The following PCDH15 variants were observed in gnomAD, a reference collection of about 807,000 sequenced individuals.
PCDH15 encodes the protein protocadherin related 15, also known as protocadherin-15.
A neutral mutation model predicts 178.5 loss-of-function variants in PCDH15; 129 were observed. That is an observed-to-expected ratio of 0.72 (90% CI 0.63 to 0.84). The LOEUF is 0.84. Ranked by LOEUF, PCDH15 falls within the 40% of genes least tolerant of loss-of-function variation. PCDH15 has a pLI of 0.00. For missense variants in PCDH15, 2,230 were observed against 2,099.9 expected (o/e 1.06, Z -1.21); for synonymous variants, 800 against 732.0 (o/e 1.09, Z -1.50).
intron 8 of PCDH15, among the ~76,000 whole-genome samples, chr10:54,294,909 G>C (rs1189956607): frequency 6.6e-6 from 1 of 152,168 alleles, no homozygotes; most frequent in African/African-American, 2.4e-5. Context: ...TCTGAGACAT[G>C]CTTCAAGTAA....
At chr10:53,909,292 G>C (rs1337512871) in intron 25 of PCDH15, among the ~76,000 whole-genome samples, 1 of 152,038 alleles carries the variant, frequency 6.6e-6, no homozygotes, top group East Asian at 1.9e-4. Flanking sequence ...CAGCCATGTG[G>C]AACTGTGAGT....
chr10:54,079,373 G>C lies in PCDH15; in HGVS notation c.2049C>G (p.Arg683=). The change falls in exon 17 of 38, where the codon CGC becomes CGG. Residue 683 remains arginine (R), a synonymous_variant. Transcript: ENST00000644397. ...CTGAAGCTGTGATGATCAGAATGTA[G>C]CGATCAGTGCTTTCCCTGTCCAGTG... ...GKALDRESTD[R]YILIITASDG... The C allele has an allele frequency of 6.2e-7, 1 of 1,614,090 alleles. No homozygotes were observed. The highest frequency in any genetic ancestry group is 1.6e-4 in the Middle Eastern group (1 of 6,062).
chr10:54,490,561 C>T (rs899440314), intron 3 of PCDH15, among the ~76,000 whole-genome samples: 7 of 151,796 alleles, frequency 4.6e-5, no homozygotes, highest in African/African-American at 1.7e-4. Context: ...GATATGTCCT[C>T]AAGTTTATGT....
At chr10:54,731,274 G>A (rs910577865) in intron 1 of PCDH15, among the ~76,000 whole-genome samples, 1 of 150,876 alleles carries the variant, frequency 6.6e-6, no homozygotes, top group African/African-American at 2.4e-5. Flanking sequence ...ACAGATGCTG[G>A]CAAAGACGTG....
intron 2 of PCDH15, among the ~76,000 whole-genome samples, chr10:54,558,039 A>G (rs2087541553): frequency 6.6e-6 from 1 of 152,114 alleles, no homozygotes; most frequent in African/African-American, 2.4e-5. Context: ...AAACAAACAA[A>G]CAAACAAACA....
At chr10:54,663,713 G>A (rs538690699) in intron 2 of PCDH15, among the ~76,000 whole-genome samples, 1 of 150,540 alleles carries the variant, frequency 6.6e-6, no homozygotes, top group African/African-American at 2.4e-5. Context: ...AATAGTGGGG[G>A]ATAAAATAAC....
At chr10:55,111,498 T>C (rs1837499563) in intron 2 of PCDH15, among the ~76,000 whole-genome samples, 1 of 152,132 alleles carries the variant, frequency 6.6e-6, no homozygotes, top group African/African-American at 2.4e-5. Context: ...TACTATTTTA[T>C]GCTTAACTCA....
intron 2 of PCDH15, among the ~76,000 whole-genome samples, chr10:54,550,675 T>C (rs1467305616): frequency 6.6e-6 from 1 of 152,254 alleles, no homozygotes; most frequent in African/African-American, 2.4e-5. Context: ...CTATAAATGT[T>C]AGATAACTAA....
rs556688553 is a variant in PCDH15 at position 54,616,271 on chromosome 10, G to A, written c.91+47901C>T. ...AGCTCTGCAAAAACTATAGAAAATT[G>A]GAAGATACAGAAAGAACACTGAAGA... On this transcript the variant is annotated intron_variant, in intron 2 of 37. Coordinates refer to ENST00000644397, the MANE Select transcript of PCDH15 (RefSeq NM_001384140.1). Among the ~76,000 whole-genome samples, 5 of 152,072 alleles carry A rather than the reference G, an allele frequency of 3.3e-5. No individual in the cohort carries two copies. In the East Asian group the frequency reaches 9.7e-4, roughly 29 times the overall value.
At chr10:54,404,029 A>G (rs73251640) in intron 3 of PCDH15, among the ~76,000 whole-genome samples, 3,995 of 152,136 alleles carry the variant, frequency 0.026, 171 homozygotes, top group African/African-American at 0.089. Context: ...TTGCTAAAAT[A>G]CCTATAATAT....
chr10:54,077,737 C>A (rs1260532306), intron 17 of PCDH15, among the ~76,000 whole-genome samples: 1 of 152,154 alleles, frequency 6.6e-6, no homozygotes, highest in East Asian at 1.9e-4. Flanking sequence ...TCACTGACTT[C>A]TTTACATACA....
At chr10:54,768,199 A>T (rs1310403354) in intron 1 of PCDH15, among the ~76,000 whole-genome samples, 2 of 152,290 alleles carry the variant, frequency 1.3e-5, no homozygotes, top group East Asian at 3.9e-4. Flanking sequence ...ATGAGAGCAT[A>T]GAGAGAATGC....
intron 13 of PCDH15, among the ~76,000 whole-genome samples, chr10:54,178,321 A>G (rs995859802): frequency 6.6e-6 from 1 of 152,178 alleles, no homozygotes; most frequent in Non-Finnish European, 1.5e-5. Flanking sequence ...ATAGATATAG[A>G]TCAATATATG....
At chr10:55,443,325 A>C (rs572169030) in intron 2 of PCDH15, among the ~76,000 whole-genome samples, 1 of 152,330 alleles carries the variant, frequency 6.6e-6, no homozygotes, top group African/African-American at 2.4e-5. Flanking sequence ...AGAGAGCAAA[A>C]GAAACTATCA....
intron 2 of PCDH15, among the ~76,000 whole-genome samples, chr10:54,927,749 G>A (rs1028840627): frequency 3.3e-5 from 5 of 151,854 alleles, no homozygotes; most frequent in Non-Finnish European, 7.4e-5. Flanking sequence ...TGAAATTTAG[G>A]ATTGAAACCT....
chr10:54,140,803 C>G (rs2043336546), intron 14 of PCDH15, among the ~76,000 whole-genome samples: 1 of 152,104 alleles, frequency 6.6e-6, no homozygotes, highest in Non-Finnish European at 1.5e-5. Context: ...CTGCCTCAGC[C>G]TCAGTCCTCA....
chr10:54,433,302 A>C (rs1476323319), intron 3 of PCDH15, among the ~76,000 whole-genome samples: 2 of 152,192 alleles, frequency 1.3e-5, no homozygotes, highest in Non-Finnish European at 2.9e-5. Context: ...AAAAGCCAAG[A>C]TTTGGAGGCA....
intron 2 of PCDH15, among the ~76,000 whole-genome samples, chr10:55,617,487 C>T (rs1421531008): frequency 2.0e-5 from 3 of 151,944 alleles, no homozygotes; most frequent in Non-Finnish European, 4.4e-5. Context: ...AACAGTAGAC[C>T]AATTAGTATC....
intron 21 of PCDH15, among the ~76,000 whole-genome samples, chr10:53,993,137 GC>G (rs372229303): frequency 1.4e-4 from 22 of 152,326 alleles, no homozygotes; most frequent in African/African-American, 5.0e-4. Flanking sequence ...AGGGGCAGAA[GC>G]CTGGTTGAGC....
Sources: gnomAD v4.1 joint callset for allele counts (sites outside exome capture counted in the v4.1 genomes callset) on GRCh38, gnomAD v4.1.1 for gene constraint, MANE v1.5 for transcripts, NCBI Gene and HGNC (gene_info 2026-07-23, HGNC 2026-07-21) for gene names.